Variants in DNAH17 observed in about 807,000 individuals in gnomAD.
The protein encoded by DNAH17 is dynein axonemal heavy chain 17.
In DNAH17, 376 loss-of-function variants were observed where a neutral mutation model predicts 485.6. That is an observed-to-expected ratio of 0.77 (90% CI 0.71 to 0.84). The LOEUF is 0.84. Among genes scored for constraint, DNAH17 ranks in the 40% least tolerant of loss-of-function variants. The probability of loss-of-function intolerance (pLI) is 0.00; values close to 1 mark genes in which losing one functional copy is unlikely to be tolerated. For synonymous variants in DNAH17, 3,031 were observed against 2,405.9 expected (o/e 1.26, Z -7.60); for missense variants, 6,370 against 5,839.3 (o/e 1.09, Z -2.96).
At chr17:78,538,698 G>A (rs78231491) in intron 18 of DNAH17, among the ~76,000 whole-genome samples, 14,621 of 152,156 alleles carry the variant, frequency 0.096, 854 homozygotes, top group South Asian at 0.18. Context: ...TATGGTTTTT[G>A]TTGAGACGCT....
intron 51 of DNAH17, among the ~76,000 whole-genome samples, chr17:78,477,410 A>T (rs2089082255): frequency 6.6e-6 from 1 of 151,428 alleles, no homozygotes; most frequent in South Asian, 2.1e-4. Flanking sequence ...ATGTAGTCTC[A>T]CTCTGTTGCC....
chr17:78,527,131 T>G, intron 22 of DNAH17, 135 bp from the exon 23 acceptor site: 1 of 670,076 alleles, frequency 1.5e-6, no homozygotes, highest in Non-Finnish European at 2.4e-6. Flanking sequence ...ACCTGTAATC[T>G]CAGCACTTTG....
intron 54 of DNAH17, among the ~76,000 whole-genome samples, chr17:78,471,388 G>A (rs1308277343): frequency 3.3e-5 from 5 of 152,232 alleles, no homozygotes; most frequent in East Asian, 1.9e-4. Context: ...CTTGGACCCT[G>A]CCTCGAGGTA....
chr17:78,457,805 C>G (rs1000144336), intron 62 of DNAH17, among the ~76,000 whole-genome samples: 4 of 151,942 alleles, frequency 2.6e-5, no homozygotes, highest in Admixed American at 2.6e-4. Context: ...GGATAACAGG[C>G]GACTGCCACC....
rs768260950 is a variant in DNAH17 at position 78,424,596 on chromosome 17, C to T, written c.13142-443G>A. On this transcript the variant is annotated intron_variant, in intron 80 of 80. Coordinates refer to ENST00000389840, the MANE Select transcript of DNAH17 (RefSeq NM_173628.4). ...ACCAGACTGCTATTATTTCTACTCG[C>T]CCTATTTAATGGTGTTTTTATTTCC... 13 of 157,414 alleles carry T rather than the reference C, an allele frequency of 8.3e-5. 1 individual carries two copies. Among genetic ancestry groups the T allele is most frequent in the Non-Finnish European group, 1.8e-4 (13 of 71,540 alleles). The allele number at this position is 157,414 out of a possible 1,614,324, so 9.8% of individuals were successfully genotyped here. A position where few individuals can be genotyped will look rare whatever the true frequency, so the allele number is the denominator to read the frequency against.
chr17:78,491,651 C>T, intron 42 of DNAH17, 81 bp from the exon 43 acceptor site: 1 of 1,526,488 alleles, frequency 6.6e-7, no homozygotes, highest in Non-Finnish European at 8.8e-7. Flanking sequence ...CCTGGCCTCT[C>T]TCTCTGGGAG....
intron 14 of DNAH17, among the ~76,000 whole-genome samples, chr17:78,554,468 A>AAAAAAAAAAAAC (rs2091977226): frequency 8.4e-6 from 1 of 119,588 alleles, no homozygotes; most frequent in African/African-American, 3.4e-5. Flanking sequence ...AAAAAAAAAA[A>AAAAAAAAAAAAC]AAAGGATAGG....
chr17:78,470,562 A>G (rs2088701940), intron 54 of DNAH17, among the ~76,000 whole-genome samples: 1 of 151,992 alleles, frequency 6.6e-6, no homozygotes, highest in Non-Finnish European at 1.5e-5. Context: ...GGTGGCACGC[A>G]CCTGTAATCC....
chr17:78,572,545 G>A (rs562392141), intron 3 of DNAH17, among the ~76,000 whole-genome samples, 156 bp downstream of exon 3: 40 of 146,094 alleles, frequency 2.7e-4, no homozygotes, highest in Non-Finnish European at 3.3e-4. Context: ...ACCACCTAAC[G>A]CACCACCTTG....
chr17:78,525,236 C>T, intron 24 of DNAH17, 75 bp from the exon 25 acceptor site: 2 of 1,549,460 alleles, frequency 1.3e-6, no homozygotes, highest in South Asian at 2.4e-5. Context: ...CGACGTTCTG[C>T]CCGTCTCTCC....
intron 44 of DNAH17, chr17:78,489,990 CTA>C (rs1465950860): frequency 6.6e-6 from 1 of 152,196 alleles, no homozygotes; most frequent in Non-Finnish European, 1.5e-5. Context: ...GCTGTCATTT[CTA>C]TGTCCCCAGG....
At chr17:78,485,862 C>A in intron 46 of DNAH17, 98 bp downstream of exon 46, 1 of 1,569,800 alleles carries the variant, frequency 6.4e-7, no homozygotes, top group South Asian at 1.2e-5. Flanking sequence ...TGTTGAAAAT[C>A]GGTTGTGTTT....
chr17:78,539,683 CT>C, intron 18 of DNAH17, 53 bp downstream of exon 18: 1 of 1,416,126 alleles, frequency 7.1e-7, no homozygotes, highest in Non-Finnish European at 9.4e-7. Context: ...ACTATAGATT[CT>C]AACAGATAAG....
In DNAH17 at chr17:78,507,275, C is replaced by T. The variant is rs1343635437; in HGVS notation, c.4676+3G>A. On this transcript the variant is annotated splice_donor_region_variant and intron_variant, in intron 29 of 80. Coordinates refer to ENST00000389840, the MANE Select transcript of DNAH17 (RefSeq NM_173628.4). ...CCCTGGTCTGGATAGGTGTGAGCCG[C>T]ACCTCTTCTTCAGGGCCTCCAGTTT... The T allele has an allele frequency of 1.9e-6, 3 of 1,613,952 alleles. No homozygotes were observed. Among genetic ancestry groups the T allele is most frequent in the Non-Finnish European group, 2.5e-6 (3 of 1,179,898 alleles).
intron 30 of DNAH17, among the ~76,000 whole-genome samples, chr17:78,506,140 A>ATTTTTTTTT (rs66859821): frequency 1.6e-5 from 2 of 128,286 alleles, no homozygotes; most frequent in African/African-American, 3.0e-5. Flanking sequence ...CACCTAGTTA[A>ATTTTTTTTT]TTTTTTTTTT....
chr17:78,455,330 AT>A (rs5822259), intron 63 of DNAH17, among the ~76,000 whole-genome samples: 57,628 of 145,358 alleles, frequency 0.4, 12,341 homozygotes, highest in African/African-American at 0.56. Context: ...GTAGGACTCC[AT>A]TTTTTTTTTT....
At chr17:78,511,662 A>C (rs925287407) in intron 26 of DNAH17, among the ~76,000 whole-genome samples, 1 of 152,236 alleles carries the variant, frequency 6.6e-6, no homozygotes, top group Non-Finnish European at 1.5e-5. Context: ...TTGGTGTCAC[A>C]TAGTCAGATG....
rs776601455 is a variant in DNAH17, at chr17:78,424,047, C to T, written c.13248G>A (p.Met4416Ile). ...IFIKAIPVDR[M>I]ETKNIYECPV... Reference sequence around the variant, plus strand: ...GACACTCATAGATGTTCTTGGTCTCCATGCGGTCCACAGGAATGGCCTTGA... The same window carrying T: ...GACACTCATAGATGTTCTTGGTCTCTATGCGGTCCACAGGAATGGCCTTGA... Residue 4416 changes from methionine (M) to isoleucine (I), a missense_variant, in exon 81 of 81, where the codon ATG (methionine) becomes ATA (isoleucine). Physicochemically the swap from Met to Ile is conservative, Grantham distance 10. Coordinates refer to ENST00000389840, the MANE Select transcript of DNAH17 (RefSeq NM_173628.4). The T allele has an allele frequency of 4.3e-6, 7 of 1,613,928 alleles. No individual in the cohort carries two copies. Among genetic ancestry groups the T allele is most frequent in the Non-Finnish European group, 5.1e-6 (6 of 1,179,912 alleles).
intron 38 of DNAH17, among the ~76,000 whole-genome samples, chr17:78,495,478 C>G (rs2146690589): frequency 6.7e-6 from 1 of 149,778 alleles, no homozygotes; most frequent in Admixed American, 6.6e-5. Flanking sequence ...GTTCTTGTTG[C>G]CCAGGCTGGA....
Sources: gnomAD v4.1 joint callset for allele counts (sites outside exome capture counted in the v4.1 genomes callset) on GRCh38, gnomAD v4.1.1 for gene constraint, MANE v1.5 for transcripts, NCBI Gene and HGNC (gene_info 2026-07-23, HGNC 2026-07-21) for gene names.